ARID5B: variants seen among roughly 807,000 people sequenced by gnomAD.
ARID5B encodes AT-rich interactive domain-containing protein 5B.
Under a neutral mutation model 97.2 loss-of-function variants are expected in ARID5B, and 13 were observed. The observed-to-expected ratio is 0.13, with a 90% CI of 0.09 to 0.21. The LOEUF (loss-of-function observed/expected upper bound fraction) is 0.21. ARID5B is among the 10% of genes least tolerant of loss of function. The probability of loss-of-function intolerance (pLI) is 1.00; values close to 1 mark genes in which losing one functional copy is unlikely to be tolerated. For synonymous variants in ARID5B, 556 were observed against 570.3 expected (o/e 0.97, Z 0.36); for missense variants, 1,210 against 1,465.3 (o/e 0.83, Z 2.84).
At chr10:62,070,338 G>A (rs1260306731) in intron 8 of ARID5B, among the ~76,000 whole-genome samples, 1 of 152,122 alleles carries the variant, frequency 6.6e-6, no homozygotes, top group East Asian at 1.9e-4. Flanking sequence ...AAGATGATGA[G>A]GATGCAAACA....
intron 3 of ARID5B, among the ~76,000 whole-genome samples, chr10:61,981,696 C>G (rs1769960590): frequency 2.6e-5 from 4 of 152,252 alleles, no homozygotes; most frequent in Middle Eastern, 6.8e-3. Context: ...CTTATCTTAC[C>G]TGTTCAGGTG....
chr10:62,091,517 G>T lies in ARID5B; in HGVS notation c.2054G>T (p.Gly685Val). 1 of 1,613,706 alleles carries T rather than the reference G, an allele frequency of 6.2e-7. No individual in the cohort carries two copies. The highest frequency in any genetic ancestry group is 1.1e-5 in the South Asian group (1 of 90,962). The change falls in exon 10 of 10, where the codon GGC becomes GTC. Residue 685 changes from glycine to valine, a missense_variant. By Grantham distance (109) the Gly-to-Val change is moderately radical. This residue lies in a region of ARID5B where 800 missense variants were observed against 839.1 expected (regional missense o/e 0.95). Transcript: ENST00000279873. ...TPLLYSRGNPGIMSPLAKKKL... is the reference protein window; with the variant it reads ...TPLLYSRGNPVIMSPLAKKKL... ...CTGCTCTACTCTAGGGGCAACCCAG[G>T]CATCATGTCCCCACTGGCCAAGAAA...
intron 4 of ARID5B, among the ~76,000 whole-genome samples, chr10:62,004,313 G>A (rs1448269813): frequency 2.0e-5 from 3 of 152,194 alleles, no homozygotes; most frequent in Non-Finnish European, 4.4e-5. Flanking sequence ...CATTCTGCTT[G>A]CATTCTTCCA....
intron 3 of ARID5B, among the ~76,000 whole-genome samples, chr10:61,974,261 G>C (rs993407437): frequency 6.6e-6 from 1 of 152,228 alleles, no homozygotes; most frequent in Non-Finnish European, 1.5e-5. Flanking sequence ...CCATTGTAAT[G>C]AGACAATGAA....
intron 3 of ARID5B, among the ~76,000 whole-genome samples, chr10:61,978,768 G>A (rs181612228): frequency 2.6e-5 from 4 of 152,194 alleles, no homozygotes; most frequent in Non-Finnish European, 5.9e-5. Flanking sequence ...GGGCTGAGAC[G>A]ATGGGGTTTT....
At chr10:61,922,909 A>G (rs1844042187) in intron 2 of ARID5B, among the ~76,000 whole-genome samples, 1 of 152,244 alleles carries the variant, frequency 6.6e-6, no homozygotes, top group Non-Finnish European at 1.5e-5. Flanking sequence ...AGTGCTCACA[A>G]CATACATATG....
Position 62,071,210 on chromosome 10 carries a change from A to G in ARID5B, c.1199+1413A>G, listed in dbSNP as rs978178842. On this transcript the variant is annotated intron_variant, in intron 8 of 9. Coordinates refer to ENST00000279873, the MANE Select transcript of ARID5B (RefSeq NM_032199.3). ...GCTACCACGCCCAGCTAATTTTTGT[A>G]TTTTTAGTAGAGACGGGGTTTCACC... Among the ~76,000 whole-genome samples, 14 of 151,824 alleles carry G rather than the reference A, an allele frequency of 9.2e-5. No homozygotes were observed. The East Asian group carries it at 2.5e-3, about 27-fold the overall frequency.
chr10:62,038,435 C>A (rs1337458099), intron 4 of ARID5B, among the ~76,000 whole-genome samples: 9 of 150,956 alleles, frequency 6.0e-5, no homozygotes, highest in African/African-American at 2.2e-4. Flanking sequence ...ATTCAGACTT[C>A]TTTCCTTGGT....
chr10:61,970,998 T>C (rs1394437494), intron 3 of ARID5B, among the ~76,000 whole-genome samples: 1 of 152,034 alleles, frequency 6.6e-6, no homozygotes, highest in East Asian at 1.9e-4. Context: ...TGTGTATGTG[T>C]GTATAAAACA....
intron 2 of ARID5B, among the ~76,000 whole-genome samples, chr10:61,930,722 A>AAAAAAAAT (rs368165490): frequency 2.1e-5 from 3 of 140,358 alleles, no homozygotes; most frequent in Admixed American, 7.2e-5. Context: ...TCCGCCTCAA[A>AAAAAAAAT]AAATAAATAA....
chr10:62,076,288 C>T (rs1349984532), intron 8 of ARID5B, among the ~76,000 whole-genome samples: 1 of 152,116 alleles, frequency 6.6e-6, no homozygotes, highest in Non-Finnish European at 1.5e-5. Flanking sequence ...GCCTATAATC[C>T]CAGCACTTTG....
chr10:61,975,380 C>T (rs958030497), intron 3 of ARID5B, among the ~76,000 whole-genome samples: 1 of 152,180 alleles, frequency 6.6e-6, no homozygotes, highest in Non-Finnish European at 1.5e-5. Context: ...TCCCAGTTCA[C>T]TTAACAGCAT....
chr10:62,061,138 C>T (rs1233791985), intron 7 of ARID5B, among the ~76,000 whole-genome samples: 1 of 152,120 alleles, frequency 6.6e-6, no homozygotes, highest in Non-Finnish European at 1.5e-5. Context: ...TCAGTCAGGC[C>T]AGTAATTTCA....
intron 4 of ARID5B, among the ~76,000 whole-genome samples, chr10:62,033,605 T>G (rs140059795): frequency 6.6e-6 from 1 of 152,302 alleles, no homozygotes; most frequent in African/African-American, 2.4e-5. Flanking sequence ...TTCCAAAATG[T>G]CAGTAACTCT....
chr10:61,927,263 C>A (rs1045783893), intron 2 of ARID5B, among the ~76,000 whole-genome samples: 1 of 152,096 alleles, frequency 6.6e-6, no homozygotes, highest in Non-Finnish European at 1.5e-5. Context: ...TCCTAACTAC[C>A]CTATGTAGTT....
intron 4 of ARID5B, among the ~76,000 whole-genome samples, chr10:62,033,894 T>C (rs1392277082): frequency 6.6e-6 from 1 of 152,210 alleles, no homozygotes; most frequent in Admixed American, 6.5e-5. Context: ...TTGCCTTATG[T>C]ATAAAGTGAA....
chr10:61,966,970 A>G (rs1017240477), intron 3 of ARID5B, among the ~76,000 whole-genome samples: 2 of 152,188 alleles, frequency 1.3e-5, no homozygotes, highest in Non-Finnish European at 2.9e-5. Context: ...TCTCACTAGC[A>G]GTACTCTGTA....
chr10:61,980,583 A>C (rs536470178), intron 3 of ARID5B, among the ~76,000 whole-genome samples: 52 of 152,352 alleles, frequency 3.4e-4, no homozygotes, highest in Non-Finnish European at 6.8e-4. Flanking sequence ...AACCAGTTGC[A>C]AATGAAATGA....
At chr10:62,068,532 A>ATT (rs1344713005) in intron 7 of ARID5B, among the ~76,000 whole-genome samples, 4 of 145,486 alleles carry the variant, frequency 2.7e-5, no homozygotes, top group African/African-American at 7.5e-5. Context: ...AGGTTTTTTA[A>ATT]TTTTTTTTTT....
Sources: gnomAD v4.1 joint callset for allele counts (sites outside exome capture counted in the v4.1 genomes callset) on GRCh38, gnomAD v4.1.1 for gene constraint, gnomAD v4.1.1 regional missense constraint, MANE v1.5 for transcripts, NCBI Gene and HGNC (gene_info 2026-07-23, HGNC 2026-07-21) for gene names.